Variants in KCNB2 observed in about 807,000 individuals in gnomAD.
The protein encoded by KCNB2 is potassium voltage-gated channel subfamily B member 2.
A neutral mutation model predicts 61.5 loss-of-function variants in KCNB2; 15 were observed. That is an observed-to-expected ratio of 0.24 (90% CI 0.16 to 0.38). The LOEUF (loss-of-function observed/expected upper bound fraction) is 0.38. Among genes scored for constraint, KCNB2 ranks in the 10% least tolerant of loss-of-function variants. The pLI, the probability that KCNB2 is intolerant of heterozygous loss-of-function variation, is 1.00. For missense variants in KCNB2, 828 were observed against 1,125.2 expected (o/e 0.74, Z 3.78); for synonymous variants, 457 against 446.0 (o/e 1.02, Z -0.31).
intron 2 of KCNB2, among the ~76,000 whole-genome samples, chr8:72,785,640 G>A (rs1159261311): frequency 6.6e-6 from 1 of 152,024 alleles, no homozygotes; most frequent in Non-Finnish European, 1.5e-5. Context: ...TTATATGATT[G>A]GAGATATCTA....
At chr8:72,666,984 A>C (rs1806483458) in intron 2 of KCNB2, among the ~76,000 whole-genome samples, 2 of 148,602 alleles carry the variant, frequency 1.3e-5, no homozygotes, top group Admixed American at 6.7e-5. Context: ...TTTCCACATA[A>C]GTGTGTGTGT....
At chr8:72,898,193 T>C (rs751020360) in intron 2 of KCNB2, among the ~76,000 whole-genome samples, 3 of 152,048 alleles carry the variant, frequency 2.0e-5, no homozygotes, top group Admixed American at 6.6e-5. Flanking sequence ...TTTGGAAACA[T>C]TGAACACCTT....
chr8:72,929,784 TA>T (rs761796599), intron 2 of KCNB2, among the ~76,000 whole-genome samples: 31 of 152,160 alleles, frequency 2.0e-4, no homozygotes, highest in Non-Finnish European at 4.0e-4. Flanking sequence ...TATACACACA[TA>T]ATTGTTTTTT....
chr8:72,576,325 C>G (rs1363238624), intron 2 of KCNB2, among the ~76,000 whole-genome samples: 1 of 152,152 alleles, frequency 6.6e-6, no homozygotes, highest in African/African-American at 2.4e-5. Flanking sequence ...AGTGAGCGAG[C>G]TTAGCTGGTC....
At chr8:72,618,550 C>T (rs568254814) in intron 2 of KCNB2, among the ~76,000 whole-genome samples, 79 of 152,062 alleles carry the variant, frequency 5.2e-4, no homozygotes, top group African/African-American at 1.9e-3. Context: ...TATATTTGGA[C>T]ACAGAAACTG....
intron 2 of KCNB2, among the ~76,000 whole-genome samples, chr8:72,903,178 G>A (rs148784516): frequency 1.1e-3 from 172 of 152,268 alleles, no homozygotes; most frequent in African/African-American, 3.5e-3. Flanking sequence ...AACAGATCCT[G>A]AAACAAAGAT....
rs554292281 is a variant in KCNB2 at position 72,687,029 on chromosome 8, T to G, written c.579+118716T>G. ...TCATAGCATCAGTTACCTAGGGAGCTCTGTGGGAAGTCACTTGAGAATGCT... is the reference window on the plus strand; with the variant it reads ...TCATAGCATCAGTTACCTAGGGAGCGCTGTGGGAAGTCACTTGAGAATGCT... On this transcript the variant is annotated intron_variant, in intron 2 of 2. Transcript: ENST00000523207. Among the ~76,000 whole-genome samples the G allele has an allele frequency of 4.3e-4, 66 of 152,164 alleles. 1 individual carries two copies. Among genetic ancestry groups the G allele is most frequent in the Admixed American group, 1.0e-3 (16 of 15,270 alleles).
At chr8:72,653,679 A>ACATATCATCTATGGCTGCTTC (rs1806245600) in intron 2 of KCNB2, among the ~76,000 whole-genome samples, 1 of 152,110 alleles carries the variant, frequency 6.6e-6, no homozygotes, top group Non-Finnish European at 1.5e-5. Flanking sequence ...CCATATGTTT[A>ACATATCATCTATGGCTGCTTC]CATATCATCT....
At chr8:72,757,354 A>AG (rs1808305649) in intron 2 of KCNB2, among the ~76,000 whole-genome samples, 1 of 152,180 alleles carries the variant, frequency 6.6e-6, no homozygotes, top group Non-Finnish European at 1.5e-5. Flanking sequence ...GAGGAAAGGG[A>AG]GACAGCAAAT....
chr8:72,615,330 C>T lies in KCNB2; in HGVS notation c.579+47017C>T, dbSNP rs576240719. ...GGCAACCTGTGGTTCTGCTTAATAC[C>T]GACTGCTACATGGCTCTGAAATCAC... is the stretch of plus-strand genomic sequence containing the variant. On this transcript the variant is annotated intron_variant, in intron 2 of 2. Coordinates refer to ENST00000523207, the MANE Select transcript of KCNB2 (RefSeq NM_004770.3). Among the ~76,000 whole-genome samples, 13 of 152,218 alleles carry T rather than the reference C, an allele frequency of 8.5e-5. No individual in the cohort carries two copies. The South Asian group carries it at 1.5e-3, about 17-fold the overall frequency.
chr8:72,855,434 T>G (rs1810191309), intron 2 of KCNB2, among the ~76,000 whole-genome samples: 1 of 152,154 alleles, frequency 6.6e-6, no homozygotes. Context: ...TCTGTTTCAG[T>G]GCTCAGCTCA....
At chr8:72,714,063 A>G (rs1254284020) in intron 2 of KCNB2, among the ~76,000 whole-genome samples, 2 of 152,240 alleles carry the variant, frequency 1.3e-5, no homozygotes, top group Non-Finnish European at 2.9e-5. Flanking sequence ...TGTATCAGCA[A>G]TGGAAGACGA....
intron 2 of KCNB2, among the ~76,000 whole-genome samples, chr8:72,805,560 T>A (rs1449429666): frequency 6.6e-6 from 1 of 152,210 alleles, no homozygotes; most frequent in Non-Finnish European, 1.5e-5. Flanking sequence ...CAAATAAAGA[T>A]CTTGGGAAAG....
At chr8:72,588,453 T>TCAGGTGATCCGCCAACCC (rs1469264598) in intron 2 of KCNB2, among the ~76,000 whole-genome samples, 5 of 151,906 alleles carry the variant, frequency 3.3e-5, no homozygotes, top group Non-Finnish European at 5.9e-5. Context: ...TCCGCCGACC[T>TCAGGTGATCCGCCAACCC]CAGGTGATCC....
chr8:72,690,505 T>C (rs1444665728), intron 2 of KCNB2, among the ~76,000 whole-genome samples: 2 of 152,222 alleles, frequency 1.3e-5, no homozygotes, highest in East Asian at 3.8e-4. Flanking sequence ...CCAATACACA[T>C]GCGTGCATCT....
intron 2 of KCNB2, among the ~76,000 whole-genome samples, chr8:72,770,598 G>A (rs1808541941): frequency 6.6e-6 from 1 of 151,998 alleles, no homozygotes; most frequent in Non-Finnish European, 1.5e-5. Context: ...TATAATCTAG[G>A]GCAAGTTACT....
At chr8:72,619,479 A>G (rs1040869247) in intron 2 of KCNB2, 3 of 244,104 alleles carry the variant, frequency 1.2e-5, no homozygotes, top group East Asian at 1.1e-4. Flanking sequence ...TTCACCTCAT[A>G]CTATGGGTAT....
At chr8:72,618,991 C>G in intron 2 of KCNB2, 1 of 331,028 alleles carries the variant, frequency 3.0e-6, no homozygotes, top group South Asian at 2.8e-5. Context: ...CTGAACTCCA[C>G]TGACTTTGTT....
chr8:72,925,951 T>G (rs932559722), intron 2 of KCNB2, among the ~76,000 whole-genome samples: 31 of 152,152 alleles, frequency 2.0e-4, no homozygotes, highest in Non-Finnish European at 1.5e-4. Flanking sequence ...TGCAGGGACA[T>G]GCATGGAGCT....
Sources: allele counts gnomAD v4.1 joint callset (sites outside exome capture counted in the v4.1 genomes callset), GRCh38; gene constraint gnomAD v4.1.1; transcripts MANE v1.5; gene names NCBI Gene and HGNC (gene_info 2026-07-23, HGNC 2026-07-21).